Variants in ANO3 observed in about 807,000 individuals in gnomAD.
The protein encoded by ANO3 is anoctamin-3.
A neutral mutation model predicts 144.8 loss-of-function variants in ANO3; 99 were observed. The ratio of observed to expected loss-of-function variants is 0.68; its 90% CI spans 0.58 to 0.81. ANO3 has a LOEUF of 0.81. ANO3 is among the 30% of genes least tolerant of loss of function. The pLI, the probability that ANO3 is intolerant of heterozygous loss-of-function variation, is 0.00. For synonymous variants in ANO3, 414 were observed against 392.6 expected (o/e 1.05, Z -0.64); for missense variants, 905 against 1,202.2 (o/e 0.75, Z 3.66).
At position 26,563,395 on chromosome 11, in the gene ANO3, CTGTGTGTGTGTGTGTG is replaced by C. The variant is rs71047867; in HGVS notation, c.1447+3638_1447+3653del. On this transcript the variant is annotated intron_variant, in intron 14 of 26. Coordinates refer to ENST00000256737, the MANE Select transcript of ANO3 (RefSeq NM_031418.4). ...ATTAGATAATGGTGTGTTTCTCTCT[CTGTGTGTGTGTGTGTG>C]TGTGTGTGTGTGTGTGTGTGTCTTG... 1.0e-4 allele frequency: 56 copies of C among 540,108 alleles called. 1 individual carries two copies. Among genetic ancestry groups the C allele is most frequent in the African/African-American group, 1.2e-4 (6 of 49,618 alleles). 33.5% of individuals were successfully genotyped at this position (540,108 alleles called of 1,614,324 possible).
chr11:26,658,303 A>T (rs1853760282), intron 26 of ANO3, among the ~76,000 whole-genome samples: 1 of 152,182 alleles, frequency 6.6e-6, no homozygotes, highest in Admixed American at 6.6e-5. Context: ...AAGTTCTAAT[A>T]GTCAGTGTTA....
intron 22 of ANO3, among the ~76,000 whole-genome samples, chr11:26,642,342 C>CTTTTTTTTTT (rs576729432): frequency 3.2e-5 from 3 of 93,064 alleles, no homozygotes; most frequent in East Asian, 3.2e-4. Flanking sequence ...TTCTTTCTTT[C>CTTTTTTTTTT]TTTTTTTTTT....
rs140037515 is a variant in ANO3 at position 26,524,450 on chromosome 11, T to C, written c.693-1185T>C. Among the ~76,000 whole-genome samples the C allele has an allele frequency of 2.0e-5, 3 of 152,186 alleles. No homozygotes were observed. The East Asian group carries it at 5.8e-4, about 29-fold the overall frequency. On this transcript the variant is annotated intron_variant, in intron 6 of 26. Transcript: ENST00000256737. ...TATGGTATCTCCAAAAGTTTTCAAG[T>C]TTTCTAAGCAGCTAATAACATACTT...
intron 4 of ANO3, among the ~76,000 whole-genome samples, chr11:26,467,514 TA>T (rs1859641028): frequency 6.6e-6 from 1 of 151,924 alleles, no homozygotes; most frequent in Non-Finnish European, 1.5e-5. Context: ...CTCTCACAAA[TA>T]AGTGAGAAGA....
At chr11:26,629,877 C>T (rs931808887) in intron 18 of ANO3, among the ~76,000 whole-genome samples, 3 of 152,108 alleles carry the variant, frequency 2.0e-5, no homozygotes, top group Admixed American at 6.5e-5. Flanking sequence ...GTGATCTGCC[C>T]GCCTTGGCCT....
intron 1 of ANO3, among the ~76,000 whole-genome samples, chr11:26,275,814 G>T (rs1590228911): frequency 6.6e-6 from 1 of 152,242 alleles, no homozygotes. Context: ...AATGTTTGAA[G>T]ATTTTCCTTT....
At chr11:26,504,056 G>T (rs1358283124) in intron 4 of ANO3, among the ~76,000 whole-genome samples, 1 of 152,118 alleles carries the variant, frequency 6.6e-6, no homozygotes, top group Non-Finnish European at 1.5e-5. Context: ...AGAAAACGTG[G>T]AAGAAAATTT....
At chr11:26,255,075 T>C (rs1359503615) in intron 1 of ANO3, among the ~76,000 whole-genome samples, 2 of 152,188 alleles carry the variant, frequency 1.3e-5, no homozygotes, top group East Asian at 1.9e-4. Context: ...TTGTTTATTA[T>C]GCTCCATTAG....
At chr11:26,278,175 C>T (rs1222573289) in intron 1 of ANO3, among the ~76,000 whole-genome samples, 4 of 152,036 alleles carry the variant, frequency 2.6e-5, no homozygotes, top group Admixed American at 6.6e-5. Context: ...ACTGACACAC[C>T]GTTTAGATCT....
rs144521211 is a variant in ANO3, at chr11:26,530,643, G to A, written c.738-562G>A. 6.4e-3 allele frequency among the ~76,000 whole-genome samples: 967 copies of A among 151,636 alleles called. 11 individuals carry two copies. The highest frequency in any genetic ancestry group is 0.022 in the African/African-American group (898 of 41,340). ...TGGGAGGCCGAGGCGGGTGGATCTCGAGGTCAGGAGATCAAGACCTTCCTG... is the reference window on the plus strand; with the variant it reads ...TGGGAGGCCGAGGCGGGTGGATCTCAAGGTCAGGAGATCAAGACCTTCCTG... On this transcript the variant is annotated intron_variant, in intron 7 of 26. Transcript: ENST00000256737.
intron 1 of ANO3, among the ~76,000 whole-genome samples, chr11:26,391,879 A>G (rs1051597814): frequency 3.3e-5 from 5 of 152,100 alleles, no homozygotes; most frequent in Non-Finnish European, 5.9e-5. Context: ...ATACAGAAAT[A>G]TTTCCATTTT....
intron 2 of ANO3, among the ~76,000 whole-genome samples, chr11:26,443,244 A>G (rs916479515): frequency 1.3e-5 from 2 of 152,196 alleles, no homozygotes; most frequent in African/African-American, 4.8e-5. Flanking sequence ...GTAAAGTGGC[A>G]AACTGTTCAA....
chr11:26,339,278 C>G lies in ANO3; in HGVS notation c.46+6957C>G, dbSNP rs550944975. 2.0e-5 allele frequency among the ~76,000 whole-genome samples: 3 copies of G among 152,118 alleles called. No homozygotes were observed. The South Asian group carries it at 6.2e-4, about 32-fold the overall frequency. On this transcript the variant is annotated intron_variant, in intron 1 of 26. Coordinates refer to ENST00000256737, the MANE Select transcript of ANO3 (RefSeq NM_031418.4). ...CAAGCTATTCTCCTGCCTCAGCCTC[C>G]TGAGTAGCTGGGATTACAGGCCCCC...
intron 4 of ANO3, 72 bp downstream of exon 4, chr11:26,463,220 A>G: frequency 1.3e-6 from 1 of 780,126 alleles, no homozygotes; most frequent in Non-Finnish European, 2.0e-6. Context: ...ATTCATCTAC[A>G]TATTTGGTTT....
At chr11:26,600,940 T>C (rs949051978) in intron 17 of ANO3, among the ~76,000 whole-genome samples, 2 of 152,114 alleles carry the variant, frequency 1.3e-5, no homozygotes, top group East Asian at 3.9e-4. Context: ...TATCCATGGT[T>C]AATGGGACAA....
chr11:26,298,419 T>C (rs982517218), intron 1 of ANO3, among the ~76,000 whole-genome samples: 1 of 152,130 alleles, frequency 6.6e-6, no homozygotes, highest in East Asian at 1.9e-4. Context: ...ACAACAGAAG[T>C]CCCTACACAT....
At chr11:26,266,341 G>A (rs1421615836) in intron 1 of ANO3, among the ~76,000 whole-genome samples, 1 of 151,806 alleles carries the variant, frequency 6.6e-6, no homozygotes, top group Non-Finnish European at 1.5e-5. Flanking sequence ...TATTTATTGG[G>A]CACCTATTAT....
At chr11:26,318,780 A>G (rs1204996623) in intron 1 of ANO3, among the ~76,000 whole-genome samples, 1 of 152,178 alleles carries the variant, frequency 6.6e-6, no homozygotes, top group Non-Finnish European at 1.5e-5. Flanking sequence ...ACATCTAGGA[A>G]TATATTTTGA....
At chr11:26,448,784 A>C (rs1858805646) in intron 3 of ANO3, among the ~76,000 whole-genome samples, 1 of 152,208 alleles carries the variant, frequency 6.6e-6, no homozygotes. Context: ...TTTATTGAAC[A>C]CATAAGGTCC....
Sources: gnomAD v4.1 joint callset for allele counts (sites outside exome capture counted in the v4.1 genomes callset) on GRCh38, gnomAD v4.1.1 for gene constraint, MANE v1.5 for transcripts, NCBI Gene and HGNC (gene_info 2026-07-23, HGNC 2026-07-21) for gene names.